RASGRP1: variants seen among roughly 807,000 people sequenced by gnomAD.
The protein encoded by RASGRP1 is RAS guanyl-releasing protein 1.
RASGRP1 carries 37 observed loss-of-function variants against 95.1 expected under a neutral mutation model. The ratio of observed to expected loss-of-function variants is 0.39; its 90% confidence interval spans 0.30 to 0.51. The LOEUF is 0.51. Ranked by LOEUF, RASGRP1 falls within the 20% of genes least tolerant of loss-of-function variation. The probability of loss-of-function intolerance (pLI) is 0.80; values close to 1 mark genes in which losing one functional copy is unlikely to be tolerated. For missense variants in RASGRP1, 711 were observed against 965.4 expected (o/e 0.74, Z 3.49); for synonymous variants, 325 against 353.4 (o/e 0.92, Z 0.90).
At chr15:38,521,799 T>A (rs1377746176) in intron 3 of RASGRP1, among the ~76,000 whole-genome samples, 1 of 152,190 alleles carries the variant, frequency 6.6e-6, no homozygotes, top group Admixed American at 6.5e-5. Context: ...TTTATCCCTC[T>A]CTTCTTTTCA....
At chr15:38,561,252 G>A (rs1439288950) in intron 1 of RASGRP1, among the ~76,000 whole-genome samples, 2 of 152,330 alleles carry the variant, frequency 1.3e-5, no homozygotes, top group South Asian at 2.1e-4. Flanking sequence ...AGACCACAGC[G>A]AGATAGTCTA....
At position 38,522,777 on chromosome 15, in the gene RASGRP1, G is replaced by A. The variant is rs116270821; in HGVS notation, c.327-3406C>T. Among the ~76,000 whole-genome samples the A allele has an allele frequency of 4.4e-3, 665 of 152,262 alleles. 3 individuals are homozygous for A. Among genetic ancestry groups the A allele is most frequent in the African/African-American group, 0.015 (641 of 41,546 alleles). ...AGGGTTTCTCAGAGAGCTACGGAATGAAGCAGGAAAAACTCGCTGGGAACA... is the reference window on the plus strand; with the variant it reads ...AGGGTTTCTCAGAGAGCTACGGAATAAAGCAGGAAAAACTCGCTGGGAACA... On this transcript the variant is annotated intron_variant, in intron 3 of 16. Coordinates refer to ENST00000310803, the MANE Select transcript of RASGRP1 (RefSeq NM_005739.4).
intron 13 of RASGRP1, among the ~76,000 whole-genome samples, chr15:38,500,675 C>T (rs992827631): frequency 6.6e-6 from 1 of 152,080 alleles, no homozygotes; most frequent in Admixed American, 6.5e-5. Context: ...CCCAGACATT[C>T]TCGAGAAATG....
intron 16 of RASGRP1, 138 bp downstream of exon 16, chr15:38,494,244 T>A: frequency 8.8e-7 from 1 of 1,132,270 alleles, no homozygotes; most frequent in South Asian, 1.3e-5. Context: ...TCTCCCTCCC[T>A]GTTTCTCCCC....
Position 38,508,001 on chromosome 15 carries a change from C to T in RASGRP1, c.967G>A (p.Val323Ile), listed in dbSNP as rs1255891312. ...AGCAGCTCAGTCATCTCACCGAGAACCTACAAAGCAGAACAGACCAATCAC... is the reference window on the plus strand; with the variant it reads ...AGCAGCTCAGTCATCTCACCGAGAATCTACAAAGCAGAACAGACCAATCAC... ...SSHVPHEINK[V>I]LGEMTELLSS... Residue 323 changes from valine to isoleucine, a missense_variant and splice_region_variant, in exon 9 of 17, where the codon GTT becomes ATT. Val to Ile is a conservative substitution (Grantham distance 29). Coordinates refer to ENST00000310803, the MANE Select transcript of RASGRP1 (RefSeq NM_005739.4). 6.3e-7 allele frequency: 1 copy of T among 1,599,692 alleles called. No individual in the cohort carries two copies. The highest frequency in any genetic ancestry group is 1.1e-5 in the South Asian group (1 of 87,808).
At chr15:38,534,199 T>C (rs560513707) in intron 2 of RASGRP1, 1 of 152,408 alleles carries the variant, frequency 6.6e-6, no homozygotes, top group East Asian at 1.9e-4. Context: ...AGACAAGGAC[T>C]TCAAGGGTGA....
chr15:38,555,018 T>C (rs1365157678), intron 2 of RASGRP1, among the ~76,000 whole-genome samples: 1 of 152,252 alleles, frequency 6.6e-6, no homozygotes, highest in Non-Finnish European at 1.5e-5. Flanking sequence ...CTTATGCTCC[T>C]GTTGCCCTCT....
intron 2 of RASGRP1, among the ~76,000 whole-genome samples, chr15:38,531,486 G>A (rs1892435990): frequency 6.6e-6 from 1 of 152,188 alleles, no homozygotes; most frequent in South Asian, 2.1e-4. Context: ...AAAAACTCTT[G>A]TGAACTTTGG....
In RASGRP1 at chr15:38,564,762, A is replaced by C; in HGVS notation, c.-134T>G. 1 of 674,120 alleles carries C rather than the reference A, an allele frequency of 1.5e-6. No homozygotes were observed. The highest frequency in any genetic ancestry group is 1.9e-6 in the Non-Finnish European group (1 of 514,826). The allele number at this position is 674,120 out of a possible 1,614,324, so 41.8% of individuals were successfully genotyped here. ...TAGCCCCGGCGCCCGCCAGCCCTCG[A>C]GCCCGGCGAGCCCGACCGAGGTGCA... On this transcript the variant is annotated 5_prime_UTR_variant, in exon 1 of 17. Coordinates refer to ENST00000310803, the MANE Select transcript of RASGRP1 (RefSeq NM_005739.4).
intron 4 of RASGRP1, among the ~76,000 whole-genome samples, chr15:38,518,882 T>C (rs980845072): frequency 5.3e-5 from 8 of 152,160 alleles, no homozygotes; most frequent in Admixed American, 3.3e-4. Flanking sequence ...CTATAAGATA[T>C]AAAACCGTAT....
chr15:38,503,187 T>C, intron 11 of RASGRP1, 85 bp downstream of exon 11: 4 of 1,097,696 alleles, frequency 3.6e-6, no homozygotes, highest in South Asian at 1.4e-5. Flanking sequence ...ATTTCCACCA[T>C]TGTGCTTTCC....
Position 38,502,364 on chromosome 15 carries a change from C to G in RASGRP1, c.1486G>C (p.Glu496Gln). The part of the protein sequence containing the change: ...QDGYISQEEF[E>Q]KIAASFPFSF... ...AATGGAAAACTCGCAGCAATCTTTT[C>G]AAATTCTTCCTGAGAAATGTATCCA... The change falls in exon 12 of 17, where the codon GAA becomes CAA. Residue 496 changes from glutamate (E) to glutamine (Q), a missense_variant. This residue lies in a region of RASGRP1 where 491 missense variants were observed against 676.6 expected (regional missense o/e 0.73). Coordinates refer to ENST00000310803, the MANE Select transcript of RASGRP1 (RefSeq NM_005739.4). 1 of 1,607,354 alleles carries G rather than the reference C, an allele frequency of 6.2e-7. No homozygotes were observed. The highest frequency in any genetic ancestry group is 8.5e-7 in the Non-Finnish European group (1 of 1,173,936).
chr15:38,494,476 C>T lies in RASGRP1; in HGVS notation c.2165G>A (p.Arg722Gln), dbSNP rs1255621589. The T allele has an allele frequency of 8.1e-6, 13 of 1,609,990 alleles. No homozygotes were observed. The highest frequency in any genetic ancestry group is 1.1e-5 in the South Asian group (1 of 90,082). The change falls in exon 16 of 17, where the codon CGG becomes CAG. Residue 722 changes from arginine (R) to glutamine (Q), a missense_variant. By Grantham distance (43) the Arg-to-Gln change is conservative. Around this residue, in one of 3 missense-constraint regions of RASGRP1, gnomAD observed 212 missense variants for 247.8 expected, o/e 0.86. Coordinates refer to ENST00000310803, the MANE Select transcript of RASGRP1 (RefSeq NM_005739.4). Reference sequence around the variant, plus strand: ...TTTATTCTCCCACTTGACAAAAGCCCGCTTTCTGACCAAGACTGGGCTAGG... The same window carrying T: ...TTTATTCTCCCACTTGACAAAAGCCTGCTTTCTGACCAAGACTGGGCTAGG... ...PCPSPVLVRK[R>Q]AFVKWENKDS...
intron 2 of RASGRP1, among the ~76,000 whole-genome samples, chr15:38,553,251 T>C (rs554616596): frequency 6.6e-6 from 1 of 152,198 alleles, no homozygotes; most frequent in South Asian, 2.1e-4. Flanking sequence ...CGGGCAGGAG[T>C]GGACAAGTTC....
At chr15:38,508,031 A>T in intron 8 of RASGRP1, 30 bp from the exon 9 acceptor site, 1 of 1,575,440 alleles carries the variant, frequency 6.3e-7, no homozygotes, top group Non-Finnish European at 8.6e-7. Context: ...AATCACAGGT[A>T]CCCGCTAGGC....
intron 2 of RASGRP1, among the ~76,000 whole-genome samples, chr15:38,531,719 G>A (rs1282141196): frequency 1.3e-5 from 2 of 152,284 alleles, no homozygotes; most frequent in South Asian, 4.2e-4. Flanking sequence ...GGGAGGCAGA[G>A]ATGTGGTTAG....
At chr15:38,502,272 A>G (rs1447215456) in intron 12 of RASGRP1, 40 bp downstream of exon 12, 4 of 1,414,084 alleles carry the variant, frequency 2.8e-6, no homozygotes, top group Non-Finnish European at 4.0e-6. Context: ...ATTCTCACCA[A>G]TGGGCTCATA....
At chr15:38,530,327 C>G (rs1281334060) in intron 2 of RASGRP1, among the ~76,000 whole-genome samples, 1 of 152,204 alleles carries the variant, frequency 6.6e-6, no homozygotes, top group African/African-American at 2.4e-5. Context: ...TCTTCTGACT[C>G]ATTCTGTTGG....
chr15:38,534,342 G>C (rs1236436451), intron 2 of RASGRP1: 1 of 152,126 alleles, frequency 6.6e-6, no homozygotes, highest in Non-Finnish European at 1.5e-5. Flanking sequence ...AGCTTGTCCT[G>C]TTCTTCTTTC....
Sources: gnomAD v4.1 joint callset for allele counts (sites outside exome capture counted in the v4.1 genomes callset) on GRCh38, gnomAD v4.1.1 for gene constraint, gnomAD v4.1.1 regional missense constraint, MANE v1.5 for transcripts, NCBI Gene and HGNC (gene_info 2026-07-23, HGNC 2026-07-21) for gene names.